SLC7A2: variants seen among roughly 807,000 people sequenced by gnomAD.
SLC7A2 encodes solute carrier family 7 member 2, also known as cationic amino acid transporter 2.
In SLC7A2, 48 loss-of-function variants were observed where a neutral mutation model predicts 58.9. That is an observed-to-expected ratio of 0.82 (90% confidence interval 0.65 to 1.04). The LOEUF is 1.04. Among genes scored for constraint, SLC7A2 ranks in the 50% least tolerant of loss-of-function variants. The pLI is 0.00. For missense variants in SLC7A2, 1,029 were observed against 818.8 expected, an observed-to-expected ratio of 1.26 and a Z score of -3.13; for synonymous variants, 363 against 314.5, an observed-to-expected ratio of 1.15 and a Z score of -1.63.
chr8:17,494,858 C>CT (rs1019658508), upstream of SLC7A2, among the ~76,000 whole-genome samples: 1 of 152,154 alleles, frequency 6.6e-6, no homozygotes, highest in Non-Finnish European at 1.5e-5. Flanking sequence ...AGAATTTGCT[C>CT]TTTTTTTGCT....
At chr8:17,530,720 G>A (rs1057100161) in intron 2 of SLC7A2, among the ~76,000 whole-genome samples, 9 of 151,860 alleles carry the variant, frequency 5.9e-5, no homozygotes, top group Non-Finnish European at 1.3e-4. Context: ...CTACAGGGAC[G>A]TGCCACCATG....
At chr8:17,562,535 T>C (rs1288638460) in intron 11 of SLC7A2, among the ~76,000 whole-genome samples, 1 of 152,074 alleles carries the variant, frequency 6.6e-6, no homozygotes, top group African/African-American at 2.4e-5. Flanking sequence ...GATAGGGTTT[T>C]GCTACATTGG....
At chr8:17,533,131 C>T (rs1801526212) in intron 2 of SLC7A2, among the ~76,000 whole-genome samples, 1 of 152,130 alleles carries the variant, frequency 6.6e-6, no homozygotes, top group African/African-American at 2.4e-5. Context: ...TTTCTCTGAG[C>T]ACACAATGGG....
chr8:17,555,991 GAAA>G (rs1802684216), intron 8 of SLC7A2, among the ~76,000 whole-genome samples: 1 of 152,162 alleles, frequency 6.6e-6, no homozygotes, highest in Admixed American at 6.5e-5. Context: ...AATTAGCTTA[GAAA>G]AAGCTAGTGC....
intron 5 of SLC7A2, among the ~76,000 whole-genome samples, chr8:17,549,382 T>A (rs1202962333): frequency 6.6e-6 from 1 of 152,206 alleles, no homozygotes; most frequent in African/African-American, 2.4e-5. Context: ...AACTTAAAGG[T>A]ATAGGTATGC....
At chr8:17,508,609 A>C (rs918084862) in intron 2 of SLC7A2, among the ~76,000 whole-genome samples, 1 of 152,178 alleles carries the variant, frequency 6.6e-6, no homozygotes, top group Non-Finnish European at 1.5e-5. Flanking sequence ...CTGTAATCCT[A>C]TCTGCTCAGG....
upstream of SLC7A2, among the ~76,000 whole-genome samples, chr8:17,495,702 G>A (rs2588197): frequency 0.97 from 147,523 of 152,248 alleles, 71,614 homozygotes; most frequent in East Asian, 1. Context: ...GGCGCCCGCC[G>A]CCGCGCCCGG....
intron 2 of SLC7A2, among the ~76,000 whole-genome samples, chr8:17,512,671 T>C (rs1241663822): frequency 6.6e-6 from 1 of 152,098 alleles, no homozygotes; most frequent in Non-Finnish European, 1.5e-5. Context: ...TAACACAAAA[T>C]TTACCATCTT....
intron 1 of SLC7A2, among the ~76,000 whole-genome samples, chr8:17,501,157 G>A (rs1800144471): frequency 6.6e-6 from 1 of 152,030 alleles, no homozygotes; most frequent in Admixed American, 6.6e-5. Flanking sequence ...GGGATTACAG[G>A]CGTGTGCCAC....
chr8:17,518,192 A>G (rs1262349859), intron 2 of SLC7A2, among the ~76,000 whole-genome samples: 1 of 151,484 alleles, frequency 6.6e-6, no homozygotes, highest in East Asian at 1.9e-4. Context: ...GATAGTCTCA[A>G]ATATTTATTC....
chr8:17,550,635 T>G (rs1051588550), intron 6 of SLC7A2, among the ~76,000 whole-genome samples: 1 of 152,126 alleles, frequency 6.6e-6, no homozygotes, highest in African/African-American at 2.4e-5. Context: ...GTTAGTAAGT[T>G]TGGGAGAGCA....
intron 2 of SLC7A2, among the ~76,000 whole-genome samples, chr8:17,514,604 G>A (rs1442628508): frequency 6.6e-6 from 1 of 152,116 alleles, no homozygotes; most frequent in Non-Finnish European, 1.5e-5. Context: ...GAGTAGCACA[G>A]AAACTCAATT....
chr8:17,552,164 C>A (rs1802485959), intron 7 of SLC7A2, among the ~76,000 whole-genome samples, 178 bp downstream of exon 7: 1 of 152,188 alleles, frequency 6.6e-6, no homozygotes, highest in African/African-American at 2.4e-5. Context: ...AGGATAAACT[C>A]CCCTGCTGTT....
intron 1 of SLC7A2, among the ~76,000 whole-genome samples, chr8:17,500,931 T>C (rs1288951987): frequency 6.6e-6 from 1 of 152,136 alleles, no homozygotes; most frequent in Non-Finnish European, 1.5e-5. Flanking sequence ...ATTTTTCTTG[T>C]CCATCTTAGT....
intron 2 of SLC7A2, among the ~76,000 whole-genome samples, chr8:17,535,011 G>A (rs1801606126): frequency 6.6e-6 from 1 of 151,946 alleles, no homozygotes; most frequent in African/African-American, 2.4e-5. Flanking sequence ...TGAGTAGCCT[G>A]TTTACCTTTT....
intron 6 of SLC7A2, among the ~76,000 whole-genome samples, chr8:17,551,351 A>G (rs1447323969): frequency 6.6e-6 from 1 of 152,176 alleles, no homozygotes; most frequent in Non-Finnish European, 1.5e-5. Flanking sequence ...TGTAATCCCA[A>G]TCTTTGGGAC....
intron 2 of SLC7A2, among the ~76,000 whole-genome samples, chr8:17,516,536 G>C (rs78511179): frequency 0.024 from 3,595 of 152,292 alleles, 108 homozygotes; most frequent in African/African-American, 0.073. Context: ...TGTGTTGTCT[G>C]TTTTAAAGAT....
rs1405297502 is a variant in SLC7A2, at chr8:17,527,773, T to G, written c.-22-15545T>G. ...ACACCAGTGTTACTGGATTAGTGAC[T>G]TAACTTGATAACGCCTGCAAAGACC... On this transcript the variant is annotated intron_variant, in intron 2 of 12. Transcript: ENST00000494857. 5.3e-5 allele frequency among the ~76,000 whole-genome samples: 8 copies of G among 152,164 alleles called. 1 individual carries two copies. In the East Asian group the frequency reaches 1.5e-3, roughly 29 times the overall value.
intron 4 of SLC7A2, among the ~76,000 whole-genome samples, chr8:17,547,125 A>T (rs1021868073): frequency 6.6e-6 from 1 of 152,220 alleles, no homozygotes. Context: ...TCATACTGCT[A>T]TGAAGAAATA....
Sources: gnomAD v4.1 joint callset for allele counts (sites outside exome capture counted in the v4.1 genomes callset) on GRCh38, gnomAD v4.1.1 for gene constraint, MANE v1.5 for transcripts, NCBI Gene and HGNC (gene_info 2026-07-23, HGNC 2026-07-21) for gene names.